TTN: variants seen among roughly 807,000 people sequenced by gnomAD.
The protein encoded by TTN is titin, also known as connectin.
In TTN, 1,525 loss-of-function variants were observed where a neutral mutation model predicts 3,223.0. That is an observed-to-expected ratio of 0.47 (90% CI 0.45 to 0.49). The LOEUF is 0.49. Ranked by LOEUF, TTN falls within the 20% of genes least tolerant of loss-of-function variation. TTN has a pLI of 0.00. For synonymous variants in TTN, 14,094 were observed against 15,161.0 expected, an observed-to-expected ratio of 0.93 and a Z score of 5.17; for missense variants, 40,786 against 43,424.0, an observed-to-expected ratio of 0.94 and a Z score of 5.40.
At position 178,621,954 on chromosome 2, in the gene TTN, T is replaced by G. The variant is rs751709104; in HGVS notation, c.44968A>C (p.Ile14990Leu). Residue 14990 changes from isoleucine (I) to leucine (L), a missense_variant, in exon 244 of 363, where the codon ATA becomes CTA. Physicochemically the swap from Ile to Leu is conservative, Grantham distance 5. Transcript: ENST00000589042. ...AGAATGCGCACTGCTCCCTTGGATA[T>G]GATGTCATATTTTTTGCCCTTTTTA... ...EIKKGKKYDI[I>L]SKGAVRILVI... 7 of 1,611,548 alleles carry G rather than the reference T, an allele frequency of 4.3e-6. No homozygotes were observed. In the Admixed American group the frequency reaches 1.2e-4, roughly 27 times the overall value.
chr2:178,768,325 A>G (rs2090886759), intron 38 of TTN, among the ~76,000 whole-genome samples, 170 bp from the exon 39 acceptor site: 1 of 152,214 alleles, frequency 6.6e-6, no homozygotes, highest in Non-Finnish European at 1.5e-5. Context: ...CCAAGAAGAA[A>G]TCATGTAACC....
Position 178,667,293 on chromosome 2 carries a change from G to A in TTN, c.35740C>T (p.Pro11914Ser), listed in dbSNP as rs1560217891. Residue 11914 changes from proline (P) to serine (S), a missense_variant, in exon 162 of 363, where the codon CCA (proline) becomes TCA (serine). By Grantham distance (74) the Pro-to-Ser change is moderately conservative (BLOSUM62 -1). Transcript: ENST00000589042. The part of the protein sequence containing the change: ...KEPDTTRGIF[P>S]EVEPPEAIPE... ...ATAGCCTCAGGTGGCTCCACCTCTG[G>A]AAAAATGCCTCTGGTTGTATCAGGT... 1 of 1,605,014 alleles carries A rather than the reference G, an allele frequency of 6.2e-7. No individual in the cohort carries two copies. The highest frequency in any genetic ancestry group is 2.2e-5 in the East Asian group (1 of 44,676).
intron 223 of TTN, among the ~76,000 whole-genome samples, chr2:178,639,102 A>T (rs1436164124): frequency 6.6e-6 from 1 of 152,102 alleles, no homozygotes; most frequent in East Asian, 1.9e-4. Flanking sequence ...TATTGATCTA[A>T]TTCCTTATAC....
At position 178,545,840 on chromosome 2, in the gene TTN, A is replaced by G. The variant is rs1696841409; in HGVS notation, c.95396T>C (p.Ile31799Thr). 6.2e-7 allele frequency: 1 copy of G among 1,613,546 alleles called. No homozygotes were observed. The highest frequency in any genetic ancestry group is 1.3e-5 in the African/African-American group (1 of 75,024). The change falls in exon 343 of 363, where the codon ATT becomes ACT. Residue 31799 changes from isoleucine (I) to threonine (T), a missense_variant. Coordinates refer to ENST00000589042, the MANE Select transcript of TTN (RefSeq NM_001267550.2). ...GPGVPVESEP[I>T]VARNSFTIPS... Reference sequence around the variant, plus strand: ...CTTACTGAATGAGTTTCTGGCTACAATTGGCTCTGATTCAACAGGCACACC... The same window carrying G: ...CTTACTGAATGAGTTTCTGGCTACAGTTGGCTCTGATTCAACAGGCACACC...
chr2:178,804,685 G>A, intron 1 of TTN, 30 bp from the exon 2 acceptor site: 1 of 1,600,784 alleles, frequency 6.2e-7, no homozygotes, highest in South Asian at 1.1e-5. Context: ...AAATTAGGGT[G>A]TCCCAGCTAA....
Position 178,713,306 on chromosome 2 carries a change from A to T in TTN, c.26828T>A (p.Val8943Asp), listed in dbSNP as rs948198555. 3.1e-6 allele frequency: 5 copies of T among 1,594,518 alleles called. No homozygotes were observed. The highest frequency in any genetic ancestry group is 3.5e-5 in the Admixed American group (2 of 56,796). Reference sequence around the variant, plus strand: ...CCCATAGACTTTACACTCCATTACAACTGAGGAGCCGGATAGACCATTTGT... The same window carrying T: ...CCCATAGACTTTACACTCCATTACATCTGAGGAGCCGGATAGACCATTTGT... ...KETNGLSGSS[V>D]VMECKVYGSP... Residue 8943 changes from valine to aspartate, a missense_variant, in exon 93 of 363, where the codon GTT becomes GAT. By Grantham distance (152) the Val-to-Asp change is radical (BLOSUM62 -3). Transcript: ENST00000589042.
rs149145409 is a variant in TTN at position 178,675,294 on chromosome 2, T to C, written c.34538-181A>G. 2.5e-3 allele frequency: 1,080 copies of C among 436,040 alleles called. 13 individuals are homozygous for C. Among genetic ancestry groups the C allele is most frequent in the African/African-American group, 0.02 (990 of 48,434 alleles). The allele number at this position is 436,040 out of a possible 1,614,324, so 27.0% of individuals were successfully genotyped here. On this transcript the variant is annotated intron_variant, in intron 149 of 362. Coordinates refer to ENST00000589042, the MANE Select transcript of TTN (RefSeq NM_001267550.2). ...AATAAAAAGGTTTGTGGTTTAAGAT[T>C]TAGGGTTTATTAAAGAGAAATTCTA...
At chr2:178,578,580 A>G in intron 321 of TTN, 31 bp downstream of exon 321, 2 of 1,520,750 alleles carry the variant, frequency 1.3e-6, no homozygotes, top group South Asian at 1.2e-5. Flanking sequence ...ATCTTGATGT[A>G]AAAGCTGTAG....
intron 65 of TTN, 53 bp from the exon 66 acceptor site, chr2:178,728,831 T>G (rs2079842104): frequency 6.4e-7 from 1 of 1,571,284 alleles, no homozygotes; most frequent in South Asian, 1.2e-5. Flanking sequence ...CCACTAGAAA[T>G]AATGTCTGCT....
At position 178,781,177 on chromosome 2, in the gene TTN, A is replaced by G; in HGVS notation, c.3467T>C (p.Ile1156Thr). 4 of 1,614,068 alleles carry G rather than the reference A, an allele frequency of 2.5e-6. No homozygotes were observed. Among genetic ancestry groups the G allele is most frequent in the Non-Finnish European group, 3.4e-6 (4 of 1,179,954 alleles). The change falls in exon 21 of 363, where the codon ATT becomes ACT. Residue 1156 changes from isoleucine (I) to threonine (T), a missense_variant. By Grantham distance (89) the Ile-to-Thr change is moderately conservative. Coordinates refer to ENST00000589042, the MANE Select transcript of TTN (RefSeq NM_001267550.2). ...TTCTCCATGCTTATTGCGAACAACAATAGTGTATTCTCCAGCATCATCAGC... is the reference window on the plus strand; with the variant it reads ...TTCTCCATGCTTATTGCGAACAACAGTAGTGTATTCTCCAGCATCATCAGC... ...TFADDAGEYT[I>T]VVRNKHGETS...
At chr2:178,635,938 C>G in intron 226 of TTN, 25 bp downstream of exon 226, 2 of 1,554,068 alleles carry the variant, frequency 1.3e-6, no homozygotes, top group South Asian at 1.3e-5. Flanking sequence ...ATAAGCAGAA[C>G]GAAATCTCCC....
intron 219 of TTN, 57 bp from the exon 220 acceptor site, chr2:178,641,372 T>G: frequency 9.7e-7 from 1 of 1,032,598 alleles, no homozygotes; most frequent in Non-Finnish European, 1.4e-6. Flanking sequence ...AGATGTTGAA[T>G]AAGCTTGACA....
At position 178,672,412 on chromosome 2, in the gene TTN, G is replaced by C. The variant is rs375391365; in HGVS notation, c.34925C>G (p.Ala11642Gly). 32 of 1,601,980 alleles carry C rather than the reference G, an allele frequency of 2.0e-5. No individual in the cohort carries two copies. Among genetic ancestry groups the C allele is most frequent in the African/African-American group, 2.7e-5 (2 of 74,090 alleles). The change falls in exon 154 of 363, where the codon GCT becomes GGT. Residue 11642 changes from alanine (A) to glycine (G), a missense_variant. Coordinates refer to ENST00000589042, the MANE Select transcript of TTN (RefSeq NM_001267550.2). Reference protein sequence around the residue: ...LVPKKEAVPPAKGRTVLEEKV... With the variant: ...LVPKKEAVPPGKGRTVLEEKV... The stretch of plus-strand genomic sequence containing the variant: ...CAGGATCTTTCCAAAAATACCTTTA[G>C]CTGGGGGAACAGCTTCCTTTTTAGG...
Position 178,586,509 on chromosome 2 carries a change from T to G in TTN, c.64392A>C (p.Gln21464His). Residue 21464 changes from glutamine to histidine, a missense_variant, in exon 308 of 363, where the codon CAA becomes CAC. By Grantham distance (24) the Gln-to-His change is conservative. Coordinates refer to ENST00000589042, the MANE Select transcript of TTN (RefSeq NM_001267550.2). ...EAEGVYEAKE[Q>H]LLPPKILMPE... ...AATGAAGCAAAGACTACTTACACAG[T>G]TGTTCTTTGGCTTCATACACTCCTT... 1 of 1,612,764 alleles carries G rather than the reference T, an allele frequency of 6.2e-7. No homozygotes were observed. Among genetic ancestry groups the G allele is most frequent in the Non-Finnish European group, 8.5e-7 (1 of 1,179,208 alleles).
In TTN at chr2:178,621,087, C is replaced by G. The variant is rs1321231707; in HGVS notation, c.45616+15G>C. ...ACAAACAAACAAAAAACCCTAAAAG[C>G]AAGAACAAACTTACCAATGACTGTC... is the stretch of plus-strand genomic sequence containing the variant. On this transcript the variant is annotated intron_variant, in intron 246 of 362. Transcript: ENST00000589042. 6.2e-7 allele frequency: 1 copy of G among 1,609,506 alleles called. No homozygotes were observed. The highest frequency in any genetic ancestry group is 1.3e-5 in the African/African-American group (1 of 74,468).
chr2:178,677,132 C>A, intron 147 of TTN, 69 bp downstream of exon 147: 1 of 1,044,622 alleles, frequency 9.6e-7, no homozygotes, highest in Non-Finnish European at 1.2e-6. Flanking sequence ...TTCCTAAAAC[C>A]CAGTTTCATC....
chr2:178,702,516 T>G lies in TTN; in HGVS notation c.30371A>C (p.Asn10124Thr). 6.2e-7 allele frequency: 1 copy of G among 1,613,930 alleles called. No individual in the cohort carries two copies. The highest frequency in any genetic ancestry group is 2.2e-5 in the East Asian group (1 of 44,886). The stretch of plus-strand genomic sequence containing the variant: ...ATGGCAGCGGCCATCATTCCTGAAG[T>G]TGTATTTCTGGCTCTCTGTCAGTTC... ...PTELTESQKY[N>T]FRNDGRCHYM... The change falls in exon 107 of 363, where the codon AAC becomes ACC. Residue 10124 changes from asparagine to threonine, a missense_variant. Transcript: ENST00000589042.
At position 178,592,780 on chromosome 2, in the gene TTN, C is replaced by T; in HGVS notation, c.59339G>A (p.Arg19780Lys). 1 of 1,613,382 alleles carries T rather than the reference C, an allele frequency of 6.2e-7. No individual in the cohort carries two copies. Among genetic ancestry groups the T allele is most frequent in the Non-Finnish European group, 8.5e-7 (1 of 1,179,582 alleles). The change falls in exon 300 of 363, where the codon AGG becomes AAG. Residue 19780 changes from arginine to lysine, a missense_variant. Transcript: ENST00000589042. ...AGTGAGAGCATTTTACTCACCAAGC[C>T]TGTCTTTTACTAGGACTGGCTCCGG... Reference protein sequence around the residue: ...HVPEPVLVKDRLEPPELILDA... With the variant: ...HVPEPVLVKDKLEPPELILDA...
Position 178,568,457 on chromosome 2 carries a change from T to A in TTN, c.77675A>T (p.Asp25892Val). The part of the protein sequence containing the change: ...SIEIVTLDKP[D>V]PPKGPVKFDD... ...AAATTTAACAGGTCCTTTTGGAGGATCAGGTTTATCTAGAGTTACAATTTC... is the reference window on the plus strand; with the variant it reads ...AAATTTAACAGGTCCTTTTGGAGGAACAGGTTTATCTAGAGTTACAATTTC... The change falls in exon 326 of 363, where the codon GAT (aspartate) becomes GTT (valine). Residue 25892 changes from aspartate (D) to valine (V), a missense_variant. Coordinates refer to ENST00000589042, the MANE Select transcript of TTN (RefSeq NM_001267550.2). 6.2e-7 allele frequency: 1 copy of A among 1,613,300 alleles called. No individual in the cohort carries two copies. The highest frequency in any genetic ancestry group is 8.5e-7 in the Non-Finnish European group (1 of 1,179,564).
Sources: gnomAD v4.1 joint callset for allele counts (sites outside exome capture counted in the v4.1 genomes callset) on GRCh38, gnomAD v4.1.1 for gene constraint, MANE v1.5 for transcripts, NCBI Gene and HGNC (gene_info 2026-07-23, HGNC 2026-07-21) for gene names.